Variants in MYCBP2 observed in about 807,000 individuals in gnomAD.
The protein encoded by MYCBP2 is MYC binding protein 2.
MYCBP2 carries 120 observed loss-of-function variants against 525.3 expected under a neutral mutation model. The ratio of observed to expected loss-of-function variants is 0.23; its 90% confidence interval spans 0.20 to 0.27. The LOEUF (loss-of-function observed/expected upper bound fraction) is 0.27. Among genes scored for constraint, MYCBP2 ranks in the 10% least tolerant of loss-of-function variants. The pLI is 1.00. For synonymous variants in MYCBP2, 1,894 were observed against 1,955.8 expected (o/e 0.97, Z 0.83); for missense variants, 4,149 against 5,657.1 (o/e 0.73, Z 8.55).
At chr13:77,054,601 G>A (rs889265244) in intron 80 of MYCBP2, among the ~76,000 whole-genome samples, 3 of 150,386 alleles carry the variant, frequency 2.0e-5, no homozygotes, top group Admixed American at 6.7e-5. Flanking sequence ...GATTGGTAAA[G>A]TCTTTTTTTT....
At chr13:77,175,946 G>A (rs531901104) in intron 36 of MYCBP2, among the ~76,000 whole-genome samples, 105 of 148,158 alleles carry the variant, frequency 7.1e-4, no homozygotes, top group African/African-American at 2.3e-3. Flanking sequence ...GACAGAGTGA[G>A]ACTCCATCTA....
chr13:77,125,381 A>C lies in MYCBP2; in HGVS notation c.7972T>G (p.Leu2658Val). ...CESDEGEAWS[L>V]ARDRGGNQYL... ...TGGTTTCCGCCTCTGTCTCTAGCTA[A>C]GGACCATGCCTCTCCTTCATCACTC... is the stretch of plus-strand genomic sequence containing the variant. The change falls in exon 54 of 83, where the codon TTA (leucine) becomes GTA (valine). Residue 2658 changes from leucine to valine, a missense_variant. Transcript: ENST00000544440. 1 of 1,613,996 alleles carries C rather than the reference A, an allele frequency of 6.2e-7. No homozygotes were observed. The highest frequency in any genetic ancestry group is 8.5e-7 in the Non-Finnish European group (1 of 1,179,878).
intron 76 of MYCBP2, among the ~76,000 whole-genome samples, chr13:77,060,093 A>T (rs553660405): frequency 6.6e-6 from 1 of 152,272 alleles, no homozygotes; most frequent in East Asian, 1.9e-4. Flanking sequence ...TACCTCAGGA[A>T]CTCTGCAATT....
At chr13:77,217,985 A>G (rs1194085730) in intron 20 of MYCBP2, 28 bp from the exon 21 acceptor site, 3 of 1,442,096 alleles carry the variant, frequency 2.1e-6, no homozygotes, top group Non-Finnish European at 2.9e-6. Context: ...AAAGTAAGTC[A>G]ATTTCTTACA....
At chr13:77,267,045 C>G (rs1359368619) in intron 8 of MYCBP2, among the ~76,000 whole-genome samples, 1 of 152,022 alleles carries the variant, frequency 6.6e-6, no homozygotes. Context: ...TTCAGATGGT[C>G]AAACGCTTAC....
intron 1 of MYCBP2, among the ~76,000 whole-genome samples, chr13:77,311,565 G>GTTTTTTTTTTTTTTT (rs747995110): frequency 8.2e-6 from 1 of 121,898 alleles, no homozygotes. Context: ...GTTTTTTTTT[G>GTTTTTTTTTTTTTTT]TTTTTTTTTT....
At chr13:77,205,626 C>T (rs777510927) in intron 24 of MYCBP2, 28 bp from the exon 25 acceptor site, 29 of 1,597,320 alleles carry the variant, frequency 1.8e-5, no homozygotes, top group Non-Finnish European at 6.0e-6. Flanking sequence ...CAAAATTTAA[C>T]TCCTTGAAAT....
chr13:77,249,888 C>T (rs1594332119), intron 15 of MYCBP2, among the ~76,000 whole-genome samples: 3 of 152,146 alleles, frequency 2.0e-5, no homozygotes, highest in South Asian at 2.1e-4. Flanking sequence ...TTGATAAAGA[C>T]GACTTTATTG....
At chr13:77,251,910 T>C (rs1440600945) in intron 14 of MYCBP2, among the ~76,000 whole-genome samples, 1 of 152,194 alleles carries the variant, frequency 6.6e-6, no homozygotes, top group Non-Finnish European at 1.5e-5. Flanking sequence ...TCCTTCCATA[T>C]GCTCAGGGCC....
At chr13:77,259,745 A>G (rs1816912299) in intron 13 of MYCBP2, among the ~76,000 whole-genome samples, 1 of 152,246 alleles carries the variant, frequency 6.6e-6, no homozygotes, top group African/African-American at 2.4e-5. Context: ...TTTTACAAAG[A>G]AACTCAAAGG....
intron 2 of MYCBP2, among the ~76,000 whole-genome samples, chr13:77,291,713 G>GCCGA (rs2077495259): frequency 6.6e-6 from 1 of 151,790 alleles, no homozygotes; most frequent in Non-Finnish European, 1.5e-5. Flanking sequence ...GTTGCAATGA[G>GCCGA]CCGAGATCGT....
chr13:77,217,784 C>A, intron 21 of MYCBP2, 56 bp downstream of exon 21: 1 of 1,102,506 alleles, frequency 9.1e-7, no homozygotes, highest in African/African-American at 1.6e-5. Flanking sequence ...CTAATATAGA[C>A]AAATTATAAG....
At chr13:77,153,836 T>C (rs2056861636) in intron 46 of MYCBP2, among the ~76,000 whole-genome samples, 1 of 152,116 alleles carries the variant, frequency 6.6e-6, no homozygotes, top group Non-Finnish European at 1.5e-5. Flanking sequence ...ATGGCTACAT[T>C]TTATCCAACA....
chr13:77,260,297 C>G (rs1415611186), intron 13 of MYCBP2, 131 bp downstream of exon 13: 2 of 640,540 alleles, frequency 3.1e-6, no homozygotes, highest in African/African-American at 3.9e-5. Flanking sequence ...CGAAATATTT[C>G]ACATTTGGAA....
At chr13:77,145,461 C>T (rs779520457) in intron 48 of MYCBP2, among the ~76,000 whole-genome samples, 1 of 152,076 alleles carries the variant, frequency 6.6e-6, no homozygotes, top group Non-Finnish European at 1.5e-5. Context: ...TCTACCTATG[C>T]CATCTATCTA....
intron 4 of MYCBP2, 61 bp downstream of exon 4, chr13:77,278,697 A>C: frequency 7.4e-7 from 1 of 1,353,588 alleles, no homozygotes; most frequent in Non-Finnish European, 9.6e-7. Context: ...GAAGTGTACA[A>C]TACTCTATTA....
chr13:77,268,709 G>A (rs536099523), intron 7 of MYCBP2, among the ~76,000 whole-genome samples: 23 of 152,102 alleles, frequency 1.5e-4, no homozygotes, highest in African/African-American at 5.5e-4. Flanking sequence ...AACCTGGGAG[G>A]CGGAGGTTGC....
chr13:77,246,243 C>G (rs974306317), intron 15 of MYCBP2, among the ~76,000 whole-genome samples: 3 of 152,136 alleles, frequency 2.0e-5, no homozygotes, highest in Non-Finnish European at 4.4e-5. Context: ...TGAAATGTGT[C>G]ACTTTTAAAA....
At chr13:77,283,078 C>A (rs1263628803) in intron 3 of MYCBP2, among the ~76,000 whole-genome samples, 1 of 152,034 alleles carries the variant, frequency 6.6e-6, no homozygotes, top group Non-Finnish European at 1.5e-5. Context: ...AACTGGAGTA[C>A]AAAGTTACTT....
Sources: gnomAD v4.1 joint callset for allele counts (sites outside exome capture counted in the v4.1 genomes callset) on GRCh38, gnomAD v4.1.1 for gene constraint, MANE v1.5 for transcripts, NCBI Gene and HGNC (gene_info 2026-07-23, HGNC 2026-07-21) for gene names.